The following ADA2 variants were observed in gnomAD, a reference collection of about 807,000 sequenced individuals.
The protein encoded by ADA2 is adenosine deaminase CECR1.
In ADA2, 29 loss-of-function variants were observed where a neutral mutation model predicts 44.2. That is an observed-to-expected ratio of 0.66 (90% CI 0.49 to 0.89). The LOEUF (loss-of-function observed/expected upper bound fraction) is 0.89, where lower values mean the gene tolerates loss of function less well. ADA2 is among the 40% of genes least tolerant of loss of function. The pLI, the probability that ADA2 is intolerant of heterozygous loss-of-function variation, is 0.00. For missense variants in ADA2, 637 were observed against 644.8 expected (o/e 0.99, Z 0.13); for synonymous variants, 215 against 234.9 (o/e 0.92, Z 0.77).
chr22:17,196,686 A>T (rs758501833), intron 4 of ADA2, among the ~76,000 whole-genome samples: 2 of 152,144 alleles, frequency 1.3e-5, no homozygotes, highest in East Asian at 1.9e-4. Context: ...GCACCAGAGC[A>T]GGAGCTCCAT....
chr22:17,193,263 C>T, intron 4 of ADA2: 1 of 726,572 alleles, frequency 1.4e-6, no homozygotes, highest in Non-Finnish European at 2.4e-6. Flanking sequence ...AGCTGGTCAT[C>T]AGAGTCACCA....
rs2061969484 is a variant in ADA2 at position 17,181,580 on chromosome 22, C to T, written c.1443-4G>A. On this transcript the variant is annotated splice_region_variant and splice_polypyrimidine_tract_variant and intron_variant, in intron 9 of 9. Transcript: ENST00000399837. ...ACTCTCCAACAGGGTACTGTACCTG[C>T]AGGAAGAGGAGGAGCCCAGGTCAGC... 6.2e-7 allele frequency: 1 copy of T among 1,600,970 alleles called. No individual in the cohort carries two copies. Among genetic ancestry groups the T allele is most frequent in the Non-Finnish European group, 8.6e-7 (1 of 1,168,544 alleles).
chr22:17,199,410 A>G (rs2062240891), intron 4 of ADA2: 3 of 159,442 alleles, frequency 1.9e-5, no homozygotes, highest in Non-Finnish European at 3.2e-5. Context: ...CCTCTGTCTC[A>G]GCGTCTCCTC....
intron 2 of ADA2, 116 bp from the exon 3 acceptor site, chr22:17,207,406 A>G: frequency 1.4e-6 from 1 of 721,508 alleles, no homozygotes; most frequent in Non-Finnish European, 2.3e-6. Context: ...GGCTGTGGGG[A>G]CAAAGGGGTG....
At chr22:17,204,794 CTTTT>C (rs535426763) in intron 3 of ADA2, among the ~76,000 whole-genome samples, 4 of 132,918 alleles carry the variant, frequency 3.0e-5, no homozygotes, top group Admixed American at 7.9e-5. Context: ...TCAATTCCTT[CTTTT>C]TTTTTTTTTT....
In ADA2 at chr22:17,207,120, G is replaced by A; in HGVS notation, c.493C>T (p.Leu165=). 1 of 1,614,210 alleles carries A rather than the reference G, an allele frequency of 6.2e-7. No homozygotes were observed. The highest frequency in any genetic ancestry group is 1.1e-5 in the South Asian group (1 of 91,082). Residue 165 remains leucine (L), a synonymous_variant, in exon 3 of 10, where the codon CTG becomes TTG. Transcript: ENST00000399837. ...TGCACCCGCTTCCGATAATCCTCCA[G>A]CAGAATCCACTTGGAACATTTTTCT... ...PSEKCSKWIL[L]EDYRKRVQNV...
At chr22:17,199,436 C>CCTCTTCCCCTCCCTCCCCTCCTCAATA in intron 4 of ADA2, 1 of 1,000,780 alleles carries the variant, frequency 1.0e-6, no homozygotes, top group Non-Finnish European at 1.6e-6. Context: ...CCTCCTCTAT[C>CCTCTTCCCCTCCCTCCCCTCCTCAATA]CTCTTCCCCT....
At chr22:17,185,779 A>G (rs2062028993) in intron 7 of ADA2, among the ~76,000 whole-genome samples, 2 of 152,328 alleles carry the variant, frequency 1.3e-5, no homozygotes, top group Admixed American at 1.3e-4. Context: ...AAGGTGTGAT[A>G]GAGCAGAGCT....
At chr22:17,184,239 C>T (rs556381826) in intron 7 of ADA2, among the ~76,000 whole-genome samples, 1 of 151,718 alleles carries the variant, frequency 6.6e-6, no homozygotes, top group East Asian at 2.0e-4. Context: ...GCTGGGATTA[C>T]AGGCGTGAGC....
intron 1 of ADA2, among the ~76,000 whole-genome samples, chr22:17,211,746 G>A (rs1453496215): frequency 6.6e-6 from 1 of 151,896 alleles, no homozygotes; most frequent in Non-Finnish European, 1.5e-5. Context: ...TGGCCAACAT[G>A]GTGAAACCCC....
chr22:17,217,799 C>G (rs1432155942), intron 1 of ADA2, among the ~76,000 whole-genome samples: 1 of 152,126 alleles, frequency 6.6e-6, no homozygotes, highest in African/African-American at 2.4e-5. Context: ...CAGAGCAAGA[C>G]TCTGTCTCAA....
In ADA2 at chr22:17,181,254, T is replaced by A; in HGVS notation, c.*229A>T. 1 of 510,036 alleles carries A rather than the reference T, an allele frequency of 2.0e-6. No homozygotes were observed. 31.6% of individuals were successfully genotyped at this position (510,036 alleles called of 1,614,324 possible). On this transcript the variant is annotated 3_prime_UTR_variant, in exon 10 of 10. Transcript: ENST00000399837. ...GGAGAAGACTCTGAAATAGGGAAAC[T>A]GGAAGAAATGGCCAGAGACAGGAGA...
intron 7 of ADA2, among the ~76,000 whole-genome samples, chr22:17,186,648 C>A (rs2062039175): frequency 1.3e-5 from 2 of 149,854 alleles, no homozygotes; most frequent in African/African-American, 4.9e-5. Context: ...GTGGGTGGAT[C>A]ACTTGAGGTC....
intron 1 of ADA2, among the ~76,000 whole-genome samples, chr22:17,216,793 TATATAG>T (rs1485011528): frequency 6.8e-6 from 1 of 148,070 alleles, no homozygotes; most frequent in African/African-American, 2.5e-5. Context: ...CACACACATA[TATATAG>T]AGAGAGAGAC....
At chr22:17,196,286 G>A (rs1266925028) in intron 4 of ADA2, among the ~76,000 whole-genome samples, 1 of 137,076 alleles carries the variant, frequency 7.3e-6, no homozygotes, top group Non-Finnish European at 1.5e-5. Flanking sequence ...GTGTGCCATT[G>A]TACTCCAGCC....
chr22:17,182,292 C>T (rs2061980970), intron 8 of ADA2, among the ~76,000 whole-genome samples: 3 of 152,078 alleles, frequency 2.0e-5, no homozygotes, highest in African/African-American at 7.2e-5. Context: ...CACAAAGGAC[C>T]CCAAGAAACC....
At chr22:17,205,597 C>T (rs900088272) in intron 3 of ADA2, among the ~76,000 whole-genome samples, 2 of 152,182 alleles carry the variant, frequency 1.3e-5, no homozygotes, top group African/African-American at 2.4e-5. Context: ...CTCAGCTTCA[C>T]GTTTCTCATT....
At chr22:17,217,023 A>G (rs536169520) in intron 1 of ADA2, among the ~76,000 whole-genome samples, 1 of 152,190 alleles carries the variant, frequency 6.6e-6, no homozygotes, top group South Asian at 2.1e-4. Flanking sequence ...TGTGTGTGTA[A>G]AACAGGAACA....
At chr22:17,205,932 TGA>T (rs2062349627) in intron 3 of ADA2, among the ~76,000 whole-genome samples, 1 of 152,164 alleles carries the variant, frequency 6.6e-6, no homozygotes. Flanking sequence ...CCTGGGAGGT[TGA>T]GTCTGAAGTG....
Sources: gnomAD v4.1 joint callset for allele counts (sites outside exome capture counted in the v4.1 genomes callset) on GRCh38, gnomAD v4.1.1 for gene constraint, MANE v1.5 for transcripts, NCBI Gene and HGNC (gene_info 2026-07-23, HGNC 2026-07-21) for gene names.